The following KDM4C variants were observed in gnomAD, a reference collection of about 807,000 sequenced individuals.
KDM4C encodes the protein lysine-specific demethylase 4C.
Under a neutral mutation model 129.3 loss-of-function variants are expected in KDM4C, and 81 were observed. The observed-to-expected ratio is 0.63, with a 90% confidence interval of 0.52 to 0.75. The LOEUF (loss-of-function observed/expected upper bound fraction) is 0.75. Ranked by LOEUF, KDM4C falls within the 30% of genes least tolerant of loss-of-function variation. The pLI is 0.00. For missense variants in KDM4C, 1,457 were observed against 1,304.0 expected (o/e 1.12, Z -1.81); for synonymous variants, 573 against 456.1 (o/e 1.26, Z -3.26).
At chr9:7,135,205 C>T (rs928928085) in intron 19 of KDM4C, among the ~76,000 whole-genome samples, 1 of 152,114 alleles carries the variant, frequency 6.6e-6, no homozygotes, top group Non-Finnish European at 1.5e-5. Context: ...ATGTCCCATG[C>T]AGGAGATTCA....
intron 7 of KDM4C, among the ~76,000 whole-genome samples, chr9:6,890,940 A>G (rs1031389294): frequency 6.6e-6 from 1 of 152,240 alleles, no homozygotes; most frequent in African/African-American, 2.4e-5. Context: ...CTGCCAGGTG[A>G]CAACTGAGCT....
intron 1 of KDM4C, among the ~76,000 whole-genome samples, chr9:6,789,287 C>G (rs1243448112): frequency 2.1e-5 from 3 of 139,650 alleles, no homozygotes; most frequent in African/African-American, 8.2e-5. Context: ...ATGGCGTGAT[C>G]TCAGCTCACT....
intron 1 of KDM4C, among the ~76,000 whole-genome samples, chr9:6,761,178 T>G (rs1819418874): frequency 6.6e-6 from 1 of 151,750 alleles, no homozygotes; most frequent in Non-Finnish European, 1.5e-5. Flanking sequence ...CTTGGCTAAT[T>G]TTTGTATTTT....
At chr9:6,738,583 G>A (rs1817598218) in intron 1 of KDM4C, among the ~76,000 whole-genome samples, 1 of 152,074 alleles carries the variant, frequency 6.6e-6, no homozygotes, top group African/African-American at 2.4e-5. Flanking sequence ...CCACAGGTGG[G>A]CACCACCACG....
intron 5 of KDM4C, among the ~76,000 whole-genome samples, chr9:6,872,973 C>G (rs765522322): frequency 3.3e-5 from 5 of 152,130 alleles, no homozygotes; most frequent in Non-Finnish European, 7.3e-5. Context: ...GTGGCCCAGG[C>G]TGGAGTGCAA....
At chr9:6,748,849 C>T (rs769488506) in intron 1 of KDM4C, 3 of 1,090,004 alleles carry the variant, frequency 2.8e-6, no homozygotes, top group Non-Finnish European at 4.3e-6. Context: ...ATGATACAGC[C>T]TTCTATCTGC....
chr9:6,782,084 C>CA (rs1772438065), intron 1 of KDM4C, among the ~76,000 whole-genome samples: 1 of 152,102 alleles, frequency 6.6e-6, no homozygotes, highest in African/African-American at 2.4e-5. Flanking sequence ...CTCGGTCTCC[C>CA]AAGTGCTGGG....
At chr9:6,827,359 AT>A (rs1564103913) in intron 4 of KDM4C, among the ~76,000 whole-genome samples, 1 of 152,192 alleles carries the variant, frequency 6.6e-6, no homozygotes, top group East Asian at 1.9e-4. Context: ...ATGATAGTGA[AT>A]TTTTGTCAGT....
At chr9:6,771,697 C>G (rs1821879623) in intron 1 of KDM4C, among the ~76,000 whole-genome samples, 1 of 152,186 alleles carries the variant, frequency 6.6e-6, no homozygotes, top group East Asian at 1.9e-4. Flanking sequence ...TCTGATAGGA[C>G]TAAATAGGCT....
At chr9:7,160,463 G>T (rs1843666885) in intron 19 of KDM4C, among the ~76,000 whole-genome samples, 1 of 152,200 alleles carries the variant, frequency 6.6e-6, no homozygotes, top group Non-Finnish European at 1.5e-5. Context: ...CATCTTTGTG[G>T]TTTTATCTAC....
chr9:6,808,028 C>A (rs1158224586), intron 3 of KDM4C, among the ~76,000 whole-genome samples: 1 of 111,972 alleles, frequency 8.9e-6, no homozygotes, highest in African/African-American at 4.1e-5. Flanking sequence ...GCCGCCCCGT[C>A]CGGGAGGTGA....
intron 1 of KDM4C, among the ~76,000 whole-genome samples, chr9:6,738,768 A>AT (rs34872495): frequency 0.087 from 12,144 of 139,784 alleles, 587 homozygotes; most frequent in Non-Finnish European, 0.12. Flanking sequence ...TTTTCTTTTC[A>AT]TTTTTTTTTT....
chr9:6,844,189 C>A (rs892476365), intron 4 of KDM4C, among the ~76,000 whole-genome samples: 2 of 152,052 alleles, frequency 1.3e-5, no homozygotes, highest in African/African-American at 4.8e-5. Context: ...AGTTTTATAA[C>A]GTTGGATTGA....
intron 21 of KDM4C, among the ~76,000 whole-genome samples, chr9:7,173,010 G>A (rs1845113010): frequency 6.6e-6 from 1 of 152,234 alleles, no homozygotes; most frequent in African/African-American, 2.4e-5. Context: ...AAAGCCACAT[G>A]CCCTCACTCA....
rs151012575 is a variant in KDM4C at position 7,145,691 on chromosome 9, A to G, written c.2781+17455A>G. Reference sequence around the variant, plus strand: ...TAACTGCTGCCTCTTCGGAACACCCAGGAGCCTTCCTAGTTCTCGATCTCT... The same window carrying G: ...TAACTGCTGCCTCTTCGGAACACCCGGGAGCCTTCCTAGTTCTCGATCTCT... On this transcript the variant is annotated intron_variant, in intron 19 of 21. Transcript: ENST00000381309. Among the ~76,000 whole-genome samples the G allele has an allele frequency of 5.0e-3, 758 of 152,354 alleles. 6 individuals are homozygous for G. Among genetic ancestry groups the G allele is most frequent in the African/African-American group, 0.018 (733 of 41,586 alleles).
chr9:6,862,380 G>T (rs919625709), intron 5 of KDM4C, among the ~76,000 whole-genome samples: 1 of 152,066 alleles, frequency 6.6e-6, no homozygotes, highest in Non-Finnish European at 1.5e-5. Flanking sequence ...TTCAGGCTTT[G>T]TGTATTTTTT....
chr9:6,897,832 A>G (rs1303446227), intron 8 of KDM4C, among the ~76,000 whole-genome samples: 3 of 152,232 alleles, frequency 2.0e-5, no homozygotes, highest in Non-Finnish European at 4.4e-5. Context: ...ACAGAGTGAA[A>G]TGCAATTATT....
At chr9:6,737,686 A>AAAAG (rs1817569861) in intron 1 of KDM4C, among the ~76,000 whole-genome samples, 1 of 150,010 alleles carries the variant, frequency 6.7e-6, no homozygotes, top group Non-Finnish European at 1.5e-5. Context: ...AAAAAAAAAA[A>AAAAG]GTGAGCAAAG....
At chr9:6,794,965 C>T (rs999682624) in intron 2 of KDM4C, among the ~76,000 whole-genome samples, 11 of 152,140 alleles carry the variant, frequency 7.2e-5, no homozygotes, top group African/African-American at 2.4e-4. Context: ...TAAAAAATTT[C>T]CCATGGAAGA....
Sources: allele counts gnomAD v4.1 joint callset (sites outside exome capture counted in the v4.1 genomes callset), GRCh38; gene constraint gnomAD v4.1.1; transcripts MANE v1.5; gene names NCBI Gene and HGNC (gene_info 2026-07-23, HGNC 2026-07-21).